DPYD: variants seen among roughly 807,000 people sequenced by gnomAD.
DPYD encodes the protein dihydropyrimidine dehydrogenase.
A neutral mutation model predicts 116.2 loss-of-function variants in DPYD; 109 were observed. The ratio of observed to expected loss-of-function variants is 0.94; its 90% CI spans 0.80 to 1.10. DPYD has a LOEUF of 1.10. Among genes scored for constraint, DPYD ranks in the 50% least tolerant of loss-of-function variants. The pLI, the probability that DPYD is intolerant of heterozygous loss-of-function variation, is 0.00. For synonymous variants in DPYD, 440 were observed against 432.0 expected (o/e 1.02, Z -0.23); for missense variants, 1,302 against 1,254.5 (o/e 1.04, Z -0.57).
In DPYD at chr1:97,618,973, T is replaced by C. The variant is rs559697716; in HGVS notation, c.851-23807A>G. Among the ~76,000 whole-genome samples, 7 of 152,314 alleles carry C rather than the reference T, an allele frequency of 4.6e-5. No individual in the cohort carries two copies. In the East Asian group the frequency reaches 1.4e-3, roughly 29 times the overall value. ...TCATTTCTGCAGTAACAGTAAGTAA[T>C]CTTGGTGAAGATGTTTTTATTTATC... On this transcript the variant is annotated intron_variant, in intron 8 of 22. Coordinates refer to ENST00000370192, the MANE Select transcript of DPYD (RefSeq NM_000110.4).
At chr1:97,261,396 C>CT (rs1472625308) in intron 18 of DPYD, among the ~76,000 whole-genome samples, 1 of 151,406 alleles carries the variant, frequency 6.6e-6, no homozygotes, top group Admixed American at 6.6e-5. Flanking sequence ...AGAGATCCAA[C>CT]TGCACAAATA....
chr1:97,917,919 A>G (rs905954402), intron 1 of DPYD, among the ~76,000 whole-genome samples: 1 of 152,188 alleles, frequency 6.6e-6, no homozygotes, highest in African/African-American at 2.4e-5. Context: ...GCAGATATTC[A>G]CAATATACTG....
chr1:97,616,724 G>A (rs1656289530), intron 8 of DPYD, among the ~76,000 whole-genome samples: 1 of 152,034 alleles, frequency 6.6e-6, no homozygotes. Context: ...TATATCCTAG[G>A]TGAATGACTT....
At chr1:97,156,652 CT>C (rs1467949565) in intron 20 of DPYD, among the ~76,000 whole-genome samples, 2 of 152,074 alleles carry the variant, frequency 1.3e-5, no homozygotes, top group Non-Finnish European at 2.9e-5. Flanking sequence ...AATAGGTACA[CT>C]TTTACACTGT....
intron 16 of DPYD, among the ~76,000 whole-genome samples, chr1:97,320,512 A>G (rs977211640): frequency 5.9e-5 from 3 of 51,212 alleles, no homozygotes; most frequent in African/African-American, 1.9e-4. Context: ...AATACCTAGG[A>G]ATCCAACTTA....
At chr1:97,610,422 A>C (rs1470224559) in intron 8 of DPYD, among the ~76,000 whole-genome samples, 1 of 151,892 alleles carries the variant, frequency 6.6e-6, no homozygotes, top group Non-Finnish European at 1.5e-5. Flanking sequence ...AAGAGTGCAG[A>C]CTCCTGATTC....
chr1:97,243,543 C>T (rs1336866967), intron 18 of DPYD, among the ~76,000 whole-genome samples: 2 of 151,766 alleles, frequency 1.3e-5, no homozygotes, highest in Non-Finnish European at 2.9e-5. Flanking sequence ...ATGCTCTTAA[C>T]CACAATGCTA....
intron 10 of DPYD, among the ~76,000 whole-genome samples, chr1:97,588,873 T>C (rs545790583): frequency 1.3e-5 from 2 of 152,330 alleles, no homozygotes; most frequent in South Asian, 4.1e-4. Context: ...GTATTAATGC[T>C]TTCTTAGCCA....
chr1:97,456,746 C>T (rs1676712960), intron 13 of DPYD, among the ~76,000 whole-genome samples: 1 of 152,048 alleles, frequency 6.6e-6, no homozygotes, highest in African/African-American at 2.4e-5. Flanking sequence ...GATTTAAATT[C>T]ACCTTAGAAA....
chr1:97,382,262 G>A, intron 15 of DPYD, 131 bp downstream of exon 15: 1 of 493,684 alleles, frequency 2.0e-6, no homozygotes, highest in East Asian at 3.5e-5. Flanking sequence ...AATTATAATA[G>A]AAATGTTTTA....
intron 20 of DPYD, among the ~76,000 whole-genome samples, chr1:97,138,500 A>C (rs1653971017): frequency 6.6e-6 from 1 of 152,144 alleles, no homozygotes; most frequent in African/African-American, 2.4e-5. Flanking sequence ...TATAAATAGA[A>C]GTAACTGAAA....
intron 14 of DPYD, among the ~76,000 whole-genome samples, chr1:97,384,081 C>A (rs1197109160): frequency 6.6e-6 from 1 of 152,008 alleles, no homozygotes; most frequent in African/African-American, 2.4e-5. Flanking sequence ...TGCACTCCGG[C>A]CTGGGCAACA....
At chr1:97,685,893 T>C (rs1571188796) in intron 7 of DPYD, among the ~76,000 whole-genome samples, 2 of 152,172 alleles carry the variant, frequency 1.3e-5, no homozygotes, top group East Asian at 1.9e-4. Context: ...AATATGACAA[T>C]AGGCATCCTG....
At chr1:97,119,932 A>G (rs982185909) in intron 20 of DPYD, among the ~76,000 whole-genome samples, 3 of 152,190 alleles carry the variant, frequency 2.0e-5, no homozygotes, top group African/African-American at 7.2e-5. Context: ...TGCAAAGCTT[A>G]CCAGATGCAG....
intron 20 of DPYD, among the ~76,000 whole-genome samples, chr1:97,131,095 C>T (rs1006264214): frequency 1.3e-5 from 2 of 151,660 alleles, no homozygotes; most frequent in Admixed American, 6.6e-5. Flanking sequence ...AGAAGATGCT[C>T]AAGAATTTCC....
intron 2 of DPYD, among the ~76,000 whole-genome samples, chr1:97,863,678 T>C (rs760717390): frequency 6.6e-6 from 1 of 151,938 alleles, no homozygotes; most frequent in Non-Finnish European, 1.5e-5. Context: ...GAAGTCTTTA[T>C]ACGATGAACA....
At chr1:97,843,083 T>G (rs1470968060) in intron 2 of DPYD, among the ~76,000 whole-genome samples, 1 of 152,088 alleles carries the variant, frequency 6.6e-6, no homozygotes, top group Non-Finnish European at 1.5e-5. Context: ...GCCTGAACAA[T>G]CCAATCTTTT....
chr1:97,829,392 T>C (rs1040286626), intron 2 of DPYD, among the ~76,000 whole-genome samples: 1 of 152,124 alleles, frequency 6.6e-6, no homozygotes, highest in South Asian at 2.1e-4. Context: ...GTTGTTATAA[T>C]TAAAATCTTT....
chr1:97,593,452 G>C (rs1399030813), intron 9 of DPYD, 65 bp from the exon 10 acceptor site: 2 of 1,583,144 alleles, frequency 1.3e-6, no homozygotes, highest in Non-Finnish European at 1.7e-6. Flanking sequence ...CAGCTCAAAA[G>C]ATACTTGTAC....
Sources: allele counts gnomAD v4.1 joint callset (sites outside exome capture counted in the v4.1 genomes callset), GRCh38; gene constraint gnomAD v4.1.1; transcripts MANE v1.5; gene names NCBI Gene and HGNC (gene_info 2026-07-23, HGNC 2026-07-21).